SLMAP: variants seen among roughly 807,000 people sequenced by gnomAD.
SLMAP encodes the protein sarcolemma associated protein.
Under a neutral mutation model 128.8 loss-of-function variants are expected in SLMAP, and 44 were observed. That is an observed-to-expected ratio of 0.34 (90% CI 0.27 to 0.44). The LOEUF is 0.44. Among genes scored for constraint, SLMAP ranks in the 20% least tolerant of loss-of-function variants. The probability of loss-of-function intolerance (pLI) is 1.00; values close to 1 mark genes in which losing one functional copy is unlikely to be tolerated. For synonymous variants in SLMAP, 327 were observed against 348.8 expected, an observed-to-expected ratio of 0.94 and a Z score of 0.70; for missense variants, 787 against 985.3, an observed-to-expected ratio of 0.80 and a Z score of 2.69.
At chr3:57,771,938 T>C (rs1407517932) in intron 2 of SLMAP, among the ~76,000 whole-genome samples, 1 of 152,162 alleles carries the variant, frequency 6.6e-6, no homozygotes, top group African/African-American at 2.4e-5. Flanking sequence ...ATTAAAGAAG[T>C]TGGGTAAATT....
intron 17 of SLMAP, among the ~76,000 whole-genome samples, chr3:57,906,950 G>A (rs1027134186): frequency 6.6e-6 from 1 of 151,608 alleles, no homozygotes; most frequent in Non-Finnish European, 1.5e-5. Context: ...GAAATAGAAT[G>A]CTGGATTTAA....
chr3:57,774,614 T>A (rs768162341), intron 2 of SLMAP, among the ~76,000 whole-genome samples: 10 of 151,928 alleles, frequency 6.6e-5, no homozygotes, highest in Non-Finnish European at 1.2e-4. Flanking sequence ...AACCTCTGCT[T>A]CCTGGGTTCA....
chr3:57,775,099 G>C (rs575539197), intron 2 of SLMAP, among the ~76,000 whole-genome samples: 1 of 151,464 alleles, frequency 6.6e-6, no homozygotes, highest in South Asian at 2.1e-4. Flanking sequence ...CTGTCGCCCA[G>C]GCCGGAGTAC....
At chr3:57,848,327 C>G (rs2094353221) in intron 5 of SLMAP, among the ~76,000 whole-genome samples, 1 of 150,378 alleles carries the variant, frequency 6.6e-6, no homozygotes, top group Non-Finnish European at 1.5e-5. Flanking sequence ...TCTCCCCCTT[C>G]TCCTCCTCCT....
At chr3:57,883,075 G>T (rs183845350) in intron 14 of SLMAP, among the ~76,000 whole-genome samples, 7 of 152,210 alleles carry the variant, frequency 4.6e-5, no homozygotes, top group Admixed American at 4.6e-4. Context: ...TGAGTGCCTG[G>T]TGCATAGTAA....
chr3:57,808,679 A>T (rs2090371135), intron 2 of SLMAP, among the ~76,000 whole-genome samples: 1 of 152,192 alleles, frequency 6.6e-6, no homozygotes, highest in Non-Finnish European at 1.5e-5. Context: ...ACCTCCAATT[A>T]TGTGGTCAAT....
At chr3:57,857,536 C>T (rs943444318) in intron 6 of SLMAP, among the ~76,000 whole-genome samples, 197 bp from the exon 7 acceptor site, 2 of 152,174 alleles carry the variant, frequency 1.3e-5, no homozygotes, top group African/African-American at 4.8e-5. Flanking sequence ...TGCACTATAA[C>T]TGAAACTGTG....
At chr3:57,798,320 T>C (rs981650855) in intron 2 of SLMAP, among the ~76,000 whole-genome samples, 2 of 152,206 alleles carry the variant, frequency 1.3e-5, no homozygotes, top group Admixed American at 6.5e-5. Flanking sequence ...CTTGTTCTTA[T>C]ATAGGCGGCT....
At chr3:57,767,151 TCAAG>T (rs2079905148) in intron 2 of SLMAP, among the ~76,000 whole-genome samples, 1 of 152,112 alleles carries the variant, frequency 6.6e-6, no homozygotes, top group African/African-American at 2.4e-5. Flanking sequence ...ACTCCTGGCC[TCAAG>T]CAATCCACCT....
At chr3:57,906,310 C>CTTTCTTTTTTTTTTTTT (rs2096548355) in intron 17 of SLMAP, among the ~76,000 whole-genome samples, 4 of 47,048 alleles carry the variant, frequency 8.5e-5, no homozygotes, top group Non-Finnish European at 8.5e-5. Flanking sequence ...CTTTTTTTTT[C>CTTTCTTTTTTTTTTTTT]TTTTTTTTTT....
intron 21 of SLMAP, among the ~76,000 whole-genome samples, chr3:57,914,665 C>G (rs922597846): frequency 2.0e-5 from 3 of 151,960 alleles, no homozygotes; most frequent in African/African-American, 7.3e-5. Flanking sequence ...TCATCACAAC[C>G]TCCACCCCCT....
intron 2 of SLMAP, among the ~76,000 whole-genome samples, chr3:57,760,695 G>C (rs1197954321): frequency 6.6e-6 from 1 of 151,690 alleles, no homozygotes; most frequent in African/African-American, 2.4e-5. Flanking sequence ...CTCCAGCCTG[G>C]GTATCAAAGC....
intron 2 of SLMAP, among the ~76,000 whole-genome samples, chr3:57,804,767 T>A (rs1163244172): frequency 1.3e-5 from 2 of 152,044 alleles, no homozygotes; most frequent in Admixed American, 6.6e-5. Context: ...ATAAAAAGTA[T>A]ATAGTACCAA....
intron 4 of SLMAP, among the ~76,000 whole-genome samples, chr3:57,844,719 T>G (rs2094156284): frequency 6.7e-6 from 1 of 148,594 alleles, no homozygotes; most frequent in African/African-American, 2.5e-5. Context: ...GACTTTTTTT[T>G]TTTTTTTTTT....
chr3:57,777,956 G>C (rs977603960), intron 2 of SLMAP, among the ~76,000 whole-genome samples: 5 of 152,196 alleles, frequency 3.3e-5, no homozygotes, highest in African/African-American at 1.2e-4. Flanking sequence ...AGCCAAGTTT[G>C]CATTCCTGAG....
chr3:57,847,328 C>G, intron 5 of SLMAP, 95 bp downstream of exon 5: 2 of 880,508 alleles, frequency 2.3e-6, no homozygotes, highest in South Asian at 2.9e-5. Context: ...ATTTATTTCT[C>G]TTTTATAACA....
intron 6 of SLMAP, among the ~76,000 whole-genome samples, chr3:57,852,980 T>G (rs2094562381): frequency 3.3e-5 from 5 of 152,238 alleles, no homozygotes; most frequent in Admixed American, 3.3e-4. Flanking sequence ...ATAGATGCAT[T>G]TTATACCTTA....
chr3:57,928,346 C>A lies in SLMAP; in HGVS notation c.*1057C>A, dbSNP rs1457745538. The A allele has an allele frequency of 6.6e-6, 1 of 151,842 alleles. No individual in the cohort carries two copies. The highest frequency in any genetic ancestry group is 1.5e-5 in the Non-Finnish European group (1 of 67,972). The allele number at this position is 151,842 out of a possible 1,614,324, so 9.4% of individuals were successfully genotyped here. On this transcript the variant is annotated 3_prime_UTR_variant, in exon 25 of 25. Coordinates refer to ENST00000671191, the MANE Select transcript of SLMAP (RefSeq NM_001377540.1). ...ATCTCTTTAGATAAGCTTGTATTGA[C>A]CTAATTTGGTTTATGATGTGTCAGA... is the stretch of plus-strand genomic sequence containing the variant.
At chr3:57,875,708 A>C (rs2095589610) in intron 14 of SLMAP, among the ~76,000 whole-genome samples, 1 of 152,148 alleles carries the variant, frequency 6.6e-6, no homozygotes, top group South Asian at 2.1e-4. Flanking sequence ...GTGATTCCAG[A>C]GGTATTTCAA....
Sources: allele counts gnomAD v4.1 joint callset (sites outside exome capture counted in the v4.1 genomes callset), GRCh38; gene constraint gnomAD v4.1.1; transcripts MANE v1.5; gene names NCBI Gene and HGNC (gene_info 2026-07-23, HGNC 2026-07-21).